CDHR1: variants seen among roughly 807,000 people sequenced by gnomAD.
CDHR1 encodes cadherin-related family member 1.
CDHR1 carries 61 observed loss-of-function variants against 72.1 expected under a neutral mutation model. The observed-to-expected ratio is 0.85, with a 90% confidence interval of 0.69 to 1.05. The LOEUF is 1.05. Among genes scored for constraint, CDHR1 ranks in the 50% least tolerant of loss-of-function variants. The pLI is 0.00. For missense variants in CDHR1, 1,186 were observed against 1,115.7 expected, an observed-to-expected ratio of 1.06 and a Z score of -0.90; for synonymous variants, 470 against 448.1, an observed-to-expected ratio of 1.05 and a Z score of -0.62.
rs200880106 is a variant in CDHR1, at chr10:84,201,915, G to T, written c.634G>T (p.Ala212Ser). 16 of 1,603,024 alleles carry T rather than the reference G, an allele frequency of 1.0e-5. No homozygotes were observed. Among genetic ancestry groups the T allele is most frequent in the African/African-American group, 1.3e-5 (1 of 74,982 alleles). The change falls in exon 7 of 17, where the codon GCC (alanine) becomes TCC (serine). Residue 212 changes from alanine to serine, a missense_variant. Coordinates refer to ENST00000623527, the MANE Select transcript of CDHR1 (RefSeq NM_033100.4). ...CCGGACCCACTACATCACCGTGGTC[G>T]CCAAGGTAACACAGCAGGACAGGGG... ...RSRTHYITVV[A>S]KDGGGRLHGA...
In CDHR1 at chr10:84,216,577, A is replaced by G; in HGVS notation, c.*1956A>G. 1 of 985,456 alleles carries G rather than the reference A, an allele frequency of 1.0e-6. No homozygotes were observed. Among genetic ancestry groups the G allele is most frequent in the Non-Finnish European group, 1.2e-6 (1 of 829,946 alleles). 61.0% of individuals were successfully genotyped at this position (985,456 alleles called of 1,614,324 possible). ...CATTTATGTTTGCTGACCTGTGGAG[A>G]CCAGTCTTTCTGACACACAGTGAAG... On this transcript the variant is annotated 3_prime_UTR_variant, in exon 17 of 17. Coordinates refer to ENST00000623527, the MANE Select transcript of CDHR1 (RefSeq NM_033100.4).
At chr10:84,208,692 A>T (rs774179687) in intron 11 of CDHR1, 37 bp from the exon 12 acceptor site, 2 of 1,600,468 alleles carry the variant, frequency 1.2e-6, no homozygotes, top group South Asian at 1.1e-5. Flanking sequence ...TTCTATCATC[A>T]TTCATCTTCC....
chr10:84,212,771 C>T (rs948689144), intron 15 of CDHR1: 15 of 529,710 alleles, frequency 2.8e-5, no homozygotes, highest in Non-Finnish European at 4.4e-5. Flanking sequence ...AATCCTGACT[C>T]CCTTTCTTAT....
In CDHR1 at chr10:84,216,423, G is replaced by C; in HGVS notation, c.*1802G>C. ...CCAGCCTGTGTTTCAGGAGAGGACT[G>C]TGCTGGATCATGCTTGCCCTCCACA... On this transcript the variant is annotated 3_prime_UTR_variant, in exon 17 of 17. Transcript: ENST00000623527. 1 of 985,506 alleles carries C rather than the reference G, an allele frequency of 1.0e-6. No individual in the cohort carries two copies. Among genetic ancestry groups the C allele is most frequent in the Non-Finnish European group, 1.2e-6 (1 of 829,962 alleles). The allele number at this position is 985,506 out of a possible 1,614,324, so 61.0% of individuals were successfully genotyped here.
At chr10:84,198,345 T>C (rs1177078611) in intron 4 of CDHR1, among the ~76,000 whole-genome samples, 2 of 152,236 alleles carry the variant, frequency 1.3e-5, no homozygotes, top group African/African-American at 4.8e-5. Flanking sequence ...CCTCCGCCAC[T>C]GGCGGGATGA....
In CDHR1 at chr10:84,217,865, A is replaced by G. The variant is rs1036462467; in HGVS notation, c.*3244A>G. The G allele has an allele frequency of 1.5e-5, 15 of 985,472 alleles. No individual in the cohort carries two copies. The highest frequency in any genetic ancestry group is 1.7e-5 in the Non-Finnish European group (14 of 829,966). The allele number at this position is 985,472 out of a possible 1,614,324, so 61.0% of individuals were successfully genotyped here. A position where few individuals can be genotyped will look rare whatever the true frequency, so the allele number is the denominator to read the frequency against. On this transcript the variant is annotated 3_prime_UTR_variant, in exon 17 of 17. Transcript: ENST00000623527. ...GCCTGCATTTGGGCGTTGACATTCC[A>G]GGGGAGTTAGGAACAATGAGAGGTC...
At chr10:84,205,957 CCCACCTTTGG>C in intron 10 of CDHR1, 30 bp downstream of exon 10, 1 of 1,542,672 alleles carries the variant, frequency 6.5e-7, no homozygotes, top group Non-Finnish European at 9.0e-7. Flanking sequence ...GTCTTCCCTG[CCCACCTTTGG>C]CCCTGGAAGT....
rs765201887 is a variant in CDHR1, at chr10:84,208,302, G to A, written c.1092G>A (p.Glu364=). ...AGAGCGGACCCCAAAACAGGTTTGA[G>A]CTGTCCATGAATGAGCACCCACCCC... ...YGESGPQNRF[E]LSMNEHPPQG... Residue 364 remains glutamate, a synonymous_variant, in exon 11 of 17, where the codon GAG becomes GAA. Coordinates refer to ENST00000623527, the MANE Select transcript of CDHR1 (RefSeq NM_033100.4). 5 of 1,614,074 alleles carry A rather than the reference G, an allele frequency of 3.1e-6. No homozygotes were observed. The highest frequency in any genetic ancestry group is 3.3e-5 in the Admixed American group (2 of 60,000).
At position 84,200,685 on chromosome 10, in the gene CDHR1, C is replaced by CA. The variant is rs781781440; in HGVS notation, c.524dup (p.Asn176GlufsTer48). On this transcript the variant is annotated frameshift_variant and splice_region_variant, in exon 6 of 17. Transcript: ENST00000623527. LOFTEE classifies it high-confidence loss of function. ...TGGAGGGAGTGTCACCTACTTCCTG[C>CA]AGGTAAGGCAGGACACACAGGACCT... is the stretch of plus-strand genomic sequence containing the variant. 19 of 1,606,558 alleles carry CA rather than the reference C, an allele frequency of 1.2e-5. No homozygotes were observed. Among genetic ancestry groups the CA allele is most frequent in the Non-Finnish European group, 1.4e-5 (16 of 1,175,874 alleles).
chr10:84,203,816 G>C (rs1464580085), intron 8 of CDHR1, among the ~76,000 whole-genome samples: 1 of 152,234 alleles, frequency 6.6e-6, no homozygotes, highest in Non-Finnish European at 1.5e-5. Context: ...CTCTGGATGG[G>C]GGCTGCAGGG....
intron 10 of CDHR1, among the ~76,000 whole-genome samples, chr10:84,207,656 T>A (rs1466281419): frequency 6.6e-6 from 1 of 152,170 alleles, no homozygotes; most frequent in Non-Finnish European, 1.5e-5. Context: ...CCAAACTTAG[T>A]GGCTTAAAAC....
chr10:84,197,991 G>A (rs1290586702), intron 4 of CDHR1, among the ~76,000 whole-genome samples, 155 bp downstream of exon 4: 1 of 152,176 alleles, frequency 6.6e-6, no homozygotes, highest in African/African-American at 2.4e-5. Flanking sequence ...CACAGGAGAG[G>A]GCTGCAGCAA....
chr10:84,196,954 G>T (rs905498129), intron 3 of CDHR1, among the ~76,000 whole-genome samples: 2 of 152,142 alleles, frequency 1.3e-5, no homozygotes, highest in Non-Finnish European at 2.9e-5. Flanking sequence ...TGAGGTTTCT[G>T]AAAGAAACCT....
intron 9 of CDHR1, among the ~76,000 whole-genome samples, chr10:84,205,168 T>G (rs780562245): frequency 1.3e-5 from 2 of 152,142 alleles, no homozygotes; most frequent in Non-Finnish European, 2.9e-5. Context: ...AGATGAGCTG[T>G]CCCTGGGCCA....
intron 10 of CDHR1, 93 bp downstream of exon 10, chr10:84,206,020 T>C (rs1402332621): frequency 5.5e-6 from 5 of 903,230 alleles, no homozygotes; most frequent in Non-Finnish European, 9.0e-6. Context: ...CTGGGGCCCA[T>C]AGTCTGGGGA....
intron 15 of CDHR1, chr10:84,212,731 G>A (rs1842357776): frequency 1.9e-6 from 1 of 521,696 alleles, no homozygotes; most frequent in Admixed American, 3.3e-5. Context: ...CAAAAAGGAT[G>A]AACTCTGAAA....
rs1375032757 is a variant in CDHR1, at chr10:84,216,278, C to T, written c.*1657C>T. 4.1e-6 allele frequency: 4 copies of T among 985,382 alleles called. No homozygotes were observed. The highest frequency in any genetic ancestry group is 4.8e-6 in the Non-Finnish European group (4 of 830,002). The allele number at this position is 985,382 out of a possible 1,614,324, so 61.0% of individuals were successfully genotyped here. A position where few individuals can be genotyped will look rare whatever the true frequency, so the allele number is the denominator to read the frequency against. On this transcript the variant is annotated 3_prime_UTR_variant, in exon 17 of 17. Transcript: ENST00000623527. ...TCTGAGTCTGTGTTTGGAGGTGTTA[C>T]TGAGATGTGCCAGTGTGCAGAATCC...
At chr10:84,205,710 G>A in intron 9 of CDHR1, 117 bp from the exon 10 acceptor site, 1 of 730,788 alleles carries the variant, frequency 1.4e-6, no homozygotes, top group Middle Eastern at 3.5e-4. Context: ...AGACACAGAT[G>A]ACAGGATTCC....
At chr10:84,205,992 A>C in intron 10 of CDHR1, 65 bp downstream of exon 10, 1 of 1,248,510 alleles carries the variant, frequency 8.0e-7, no homozygotes, top group Non-Finnish European at 1.2e-6. Flanking sequence ...AAAGGTGAAG[A>C]CACCCAGGCC....
Sources: gnomAD v4.1 joint callset for allele counts (sites outside exome capture counted in the v4.1 genomes callset) on GRCh38, gnomAD v4.1.1 for gene constraint, MANE v1.5 for transcripts, NCBI Gene and HGNC (gene_info 2026-07-23, HGNC 2026-07-21) for gene names.